GRB10: variants seen among roughly 807,000 people sequenced by gnomAD.
GRB10 encodes the protein growth factor receptor bound protein 10.
Under a neutral mutation model 80.9 loss-of-function variants are expected in GRB10, and 20 were observed. The ratio of observed to expected loss-of-function variants is 0.25; its 90% CI spans 0.17 to 0.36. GRB10 has a LOEUF of 0.36. Ranked by LOEUF, GRB10 falls within the 10% of genes least tolerant of loss-of-function variation. The pLI is 1.00. For synonymous variants in GRB10, 291 were observed against 291.5 expected (o/e 1.00, Z 0.02); for missense variants, 548 against 747.7 (o/e 0.73, Z 3.12).
At position 50,755,029 on chromosome 7, in the gene GRB10, A is replaced by C. The variant is rs147188395; in HGVS notation, c.-47+858T>G. 6.6e-5 allele frequency among the ~76,000 whole-genome samples: 10 copies of C among 152,356 alleles called. No individual in the cohort carries two copies. The South Asian group carries it at 1.9e-3, about 28-fold the overall frequency. ...AGCCCAGGAGAGAGGCCTCAGGAGG[A>C]ACCAACTCAGCTGTCACCTTGACCT... is the stretch of plus-strand genomic sequence containing the variant. On this transcript the variant is annotated intron_variant, in intron 3 of 18. Transcript: ENST00000401949.
chr7:50,676,338 G>GGGGGGGGGGGGC (rs2060934252), intron 5 of GRB10, among the ~76,000 whole-genome samples: 11 of 55,924 alleles, frequency 2.0e-4, no homozygotes, highest in Admixed American at 2.3e-4. Context: ...ACCCCACCGG[G>GGGGGGGGGGGGC]GGGGGGGGGG....
At chr7:50,779,541 A>G (rs2153712917) in intron 2 of GRB10, 1 of 152,296 alleles carries the variant, frequency 6.6e-6, no homozygotes, top group East Asian at 1.9e-4. Flanking sequence ...ATTATTTTCC[A>G]TCTAAGTAAG....
chr7:50,663,660 G>A (rs2059504993), intron 7 of GRB10, among the ~76,000 whole-genome samples: 1 of 152,230 alleles, frequency 6.6e-6, no homozygotes, highest in African/African-American at 2.4e-5. Context: ...AAGCAGCAGT[G>A]GCTGCAGCTG....
intron 1 of GRB10, among the ~76,000 whole-genome samples, chr7:50,791,767 A>G (rs2078925641): frequency 2.0e-5 from 3 of 152,152 alleles, no homozygotes; most frequent in Non-Finnish European, 4.4e-5. Context: ...TCCCAGTAAA[A>G]CTCAAATATT....
At chr7:50,742,693 C>G (rs1202142445) in intron 3 of GRB10, among the ~76,000 whole-genome samples, 4 of 151,224 alleles carry the variant, frequency 2.6e-5, no homozygotes, top group Admixed American at 1.3e-4. Context: ...CATGCCCAGG[C>G]TGCATCCCAG....
chr7:50,595,602 TACACACACAC>T (rs59746858), intron 17 of GRB10, 72 bp from the exon 18 acceptor site: 154 of 561,398 alleles, frequency 2.7e-4, no homozygotes, highest in Middle Eastern at 4.3e-4. Flanking sequence ...CACACTCTCT[TACACACACAC>T]ACACACACAC....
At chr7:50,764,794 G>A (rs913892132) in intron 2 of GRB10, among the ~76,000 whole-genome samples, 1 of 152,212 alleles carries the variant, frequency 6.6e-6, no homozygotes, top group African/African-American at 2.4e-5. Flanking sequence ...TTTAATAAAG[G>A]AGGCAAAGAG....
chr7:50,676,820 G>A (rs1292221028), intron 5 of GRB10, among the ~76,000 whole-genome samples: 1 of 152,212 alleles, frequency 6.6e-6, no homozygotes, highest in Non-Finnish European at 1.5e-5. Flanking sequence ...TGGAGTGGGT[G>A]GGACAGTAGG....
chr7:50,675,324 GAGTA>G (rs1251648266), intron 5 of GRB10, among the ~76,000 whole-genome samples: 1 of 152,236 alleles, frequency 6.6e-6, no homozygotes. Context: ...ATGGCACAGA[GAGTA>G]AGTGAGAGAG....
intron 2 of GRB10, among the ~76,000 whole-genome samples, chr7:50,758,483 T>C (rs1338372026): frequency 6.6e-6 from 1 of 152,254 alleles, no homozygotes; most frequent in African/African-American, 2.4e-5. Flanking sequence ...TTTAGTATCT[T>C]TGGTATCTTC....
chr7:50,613,598 G>A (rs1401470408), intron 12 of GRB10, among the ~76,000 whole-genome samples: 3 of 152,192 alleles, frequency 2.0e-5, no homozygotes, highest in Non-Finnish European at 4.4e-5. Context: ...GGGGTTGAGG[G>A]ACAGGTGTGA....
At chr7:50,643,702 T>C (rs2056689537) in intron 7 of GRB10, among the ~76,000 whole-genome samples, 1 of 152,090 alleles carries the variant, frequency 6.6e-6, no homozygotes, top group Non-Finnish European at 1.5e-5. Flanking sequence ...TATTTAGGAG[T>C]AAAGGGACTT....
chr7:50,777,836 G>A (rs1270148113), intron 2 of GRB10, among the ~76,000 whole-genome samples: 1 of 152,126 alleles, frequency 6.6e-6, no homozygotes, highest in Non-Finnish European at 1.5e-5. Flanking sequence ...AACACTGCAT[G>A]TTCTCACTCA....
At chr7:50,690,603 T>A (rs747338492) in intron 5 of GRB10, among the ~76,000 whole-genome samples, 1 of 152,004 alleles carries the variant, frequency 6.6e-6, no homozygotes, top group Non-Finnish European at 1.5e-5. Flanking sequence ...CACCACTGCA[T>A]CCCCTGGGCC....
At chr7:50,723,554 C>T (rs530962443) in intron 4 of GRB10, among the ~76,000 whole-genome samples, 3 of 152,278 alleles carry the variant, frequency 2.0e-5, no homozygotes, top group East Asian at 3.9e-4. Flanking sequence ...CAAAGGAAGA[C>T]GATGAAGGGT....
At chr7:50,598,549 G>A (rs998306575) in intron 17 of GRB10, among the ~76,000 whole-genome samples, 2 of 152,262 alleles carry the variant, frequency 1.3e-5, no homozygotes, top group African/African-American at 2.4e-5. Flanking sequence ...GCAAGACACC[G>A]TGCAAAGTGT....
Position 50,703,886 on chromosome 7 carries a change from C to A in GRB10, c.74G>T (p.Arg25Leu). 7 of 1,612,926 alleles carry A rather than the reference C, an allele frequency of 4.3e-6. No individual in the cohort carries two copies. Among genetic ancestry groups the A allele is most frequent in the East Asian group, 2.2e-5 (1 of 44,848 alleles). Residue 25 changes from arginine (R) to leucine (L), a missense_variant, in exon 5 of 19, where the codon CGC (arginine) becomes CTC (leucine). Around this residue, in one of 4 missense-constraint regions of GRB10, gnomAD observed 245 missense variants for 229.3 expected, o/e 1.07. Transcript: ENST00000401949. The stretch of plus-strand genomic sequence containing the variant: ...TGGTCCTGCCGGGTCTTGTTGACTG[C>A]GAGGTGTCTGCTCCACCTTGTCCTA... ...YYQDKVEQTP[R>L]SQQDPAGPGL...
chr7:50,607,582 TATTTC>T (rs2048757622), intron 13 of GRB10, among the ~76,000 whole-genome samples: 1 of 152,228 alleles, frequency 6.6e-6, no homozygotes, highest in African/African-American at 2.4e-5. Context: ...TGCTTTATGT[TATTTC>T]ATTTAATCCT....
chr7:50,672,339 T>A (rs914052851), intron 6 of GRB10, among the ~76,000 whole-genome samples: 1 of 152,178 alleles, frequency 6.6e-6, no homozygotes, highest in East Asian at 1.9e-4. Flanking sequence ...GAAGCGAGGG[T>A]AACCCACACT....
Sources: gnomAD v4.1 joint callset for allele counts (sites outside exome capture counted in the v4.1 genomes callset) on GRCh38, gnomAD v4.1.1 for gene constraint, gnomAD v4.1.1 regional missense constraint, MANE v1.5 for transcripts, NCBI Gene and HGNC (gene_info 2026-07-23, HGNC 2026-07-21) for gene names.